RRM1: variants seen among roughly 807,000 people sequenced by gnomAD.
The protein encoded by RRM1 is ribonucleoside-diphosphate reductase large subunit.
RRM1 carries 19 observed loss-of-function variants against 101.5 expected under a neutral mutation model. The observed-to-expected ratio is 0.19, with a 90% CI of 0.13 to 0.27. RRM1 has a LOEUF of 0.27. Among genes scored for constraint, RRM1 ranks in the 10% least tolerant of loss-of-function variants. The pLI, the probability that RRM1 is intolerant of heterozygous loss-of-function variation, is 1.00. For missense variants in RRM1, 500 were observed against 962.9 expected (o/e 0.52, Z 6.36); for synonymous variants, 298 against 323.4 (o/e 0.92, Z 0.84).
chr11:4,135,403 ACCAAC>A, intron 18 of RRM1, 133 bp downstream of exon 18: 1 of 641,526 alleles, frequency 1.6e-6, no homozygotes, highest in Non-Finnish European at 2.5e-6. Context: ...GAACGTTAAA[ACCAAC>A]CCATGGTTTT....
intron 15 of RRM1, among the ~76,000 whole-genome samples, chr11:4,131,527 A>G (rs987959283): frequency 6.6e-6 from 1 of 152,226 alleles, no homozygotes; most frequent in Admixed American, 6.5e-5. Context: ...ACGGAAAGGT[A>G]CAGGTCAGAG....
In RRM1 at chr11:4,121,677, A is replaced by G. The variant is rs774744826; in HGVS notation, c.950A>G (p.Asn317Ser). 2.5e-6 allele frequency: 4 copies of G among 1,613,982 alleles called. No homozygotes were observed. The highest frequency in any genetic ancestry group is 2.2e-5 in the East Asian group (1 of 44,870). Residue 317 changes from asparagine (N) to serine (S), a missense_variant, in exon 10 of 19, where the codon AAC (asparagine) becomes AGC (serine). Coordinates refer to ENST00000300738, the MANE Select transcript of RRM1 (RefSeq NM_001033.5). ...DIFEFLDLKK[N>S]TGKEEQRARD... is the part of the protein sequence containing the mutation. ...TTTGAATTCCTTGATTTAAAGAAGA[A>G]CACAGGAAAGGAAGAGCAGCGTGCC...
intron 7 of RRM1, 33 bp downstream of exon 7, chr11:4,112,095 C>A: frequency 6.5e-7 from 1 of 1,543,408 alleles, no homozygotes. Flanking sequence ...TACGCCTTGA[C>A]CTGAAGAAAC....
At chr11:4,114,225 T>TG (rs2094569583) in intron 7 of RRM1, among the ~76,000 whole-genome samples, 1 of 151,938 alleles carries the variant, frequency 6.6e-6, no homozygotes, top group South Asian at 2.1e-4. Flanking sequence ...GACTGAAAAT[T>TG]GCTATGGGTG....
At chr11:4,112,124 C>A in intron 7 of RRM1, 62 bp downstream of exon 7, 2 of 1,308,172 alleles carry the variant, frequency 1.5e-6, no homozygotes, top group Non-Finnish European at 2.1e-6. Flanking sequence ...TAGTTCATCA[C>A]ATAAAAAATA....
upstream of RRM1, chr11:4,094,748 C>A: frequency 1.7e-6 from 1 of 571,936 alleles, no homozygotes; most frequent in Admixed American, 3.0e-5. Context: ...GTGAAGCCTA[C>A]CCCGGGCGTG....
chr11:4,103,641 G>C (rs1280171843), intron 2 of RRM1, among the ~76,000 whole-genome samples: 1 of 152,104 alleles, frequency 6.6e-6, no homozygotes. Flanking sequence ...AGGAGTTTGA[G>C]ACCAGCCTGG....
chr11:4,136,787 T>C (rs1218893017), intron 18 of RRM1, among the ~76,000 whole-genome samples: 2 of 150,798 alleles, frequency 1.3e-5, no homozygotes, highest in Non-Finnish European at 2.9e-5. Context: ...TTATTTATTT[T>C]TATTGATCAT....
At chr11:4,137,721 G>A (rs1402018972) in intron 18 of RRM1, among the ~76,000 whole-genome samples, 1 of 25,788 alleles carries the variant, frequency 3.9e-5, no homozygotes, top group Non-Finnish European at 1.0e-4. Flanking sequence ...CGGGCAGAGG[G>A]GCTCCTCACT....
intron 15 of RRM1, among the ~76,000 whole-genome samples, chr11:4,130,086 A>ATATTTTT (rs1202870487): frequency 7.0e-5 from 7 of 99,446 alleles, no homozygotes; most frequent in African/African-American, 1.6e-4. Context: ...ATATATATAT[A>ATATTTTT]TTTTTTTTTT....
At chr11:4,115,383 G>T (rs1216937481) in intron 7 of RRM1, among the ~76,000 whole-genome samples, 1 of 151,834 alleles carries the variant, frequency 6.6e-6, no homozygotes, top group Non-Finnish European at 1.5e-5. Flanking sequence ...CAGAAGGGGA[G>T]AAAGTGATGT....
intron 18 of RRM1, among the ~76,000 whole-genome samples, 168 bp downstream of exon 18, chr11:4,135,438 G>A (rs1310864520): frequency 6.6e-6 from 1 of 152,184 alleles, no homozygotes; most frequent in African/African-American, 2.4e-5. Flanking sequence ...ACAGGGTCTT[G>A]CCTTGGATTT....
chr11:4,130,072 AT>A (rs1205892810), intron 15 of RRM1, among the ~76,000 whole-genome samples: 16 of 92,278 alleles, frequency 1.7e-4, no homozygotes, highest in Non-Finnish European at 7.9e-5. Flanking sequence ...GTATTTATAT[AT>A]ATATATATAT....
chr11:4,105,948 A>T, intron 2 of RRM1, 98 bp from the exon 3 acceptor site: 1 of 956,402 alleles, frequency 1.0e-6, no homozygotes, highest in Non-Finnish European at 1.6e-6. Flanking sequence ...ATAGGCATGT[A>T]CTACCACACC....
intron 2 of RRM1, among the ~76,000 whole-genome samples, chr11:4,105,106 T>A (rs956906195): frequency 7.9e-5 from 12 of 152,226 alleles, no homozygotes; most frequent in Non-Finnish European, 1.2e-4. Flanking sequence ...AGATTTTTTT[T>A]AATGACACTT....
At chr11:4,113,840 A>C (rs960295117) in intron 7 of RRM1, among the ~76,000 whole-genome samples, 1 of 152,184 alleles carries the variant, frequency 6.6e-6, no homozygotes, top group Non-Finnish European at 1.5e-5. Flanking sequence ...AAAAGATAAA[A>C]AATGGGCCAG....
intron 7 of RRM1, among the ~76,000 whole-genome samples, 161 bp from the exon 8 acceptor site, chr11:4,118,159 A>G (rs980087158): frequency 6.6e-6 from 1 of 151,770 alleles, no homozygotes. Flanking sequence ...TTATTGTGTC[A>G]TGTACAGTAA....
intron 18 of RRM1, among the ~76,000 whole-genome samples, chr11:4,136,004 A>G (rs1345332296): frequency 6.6e-6 from 1 of 151,706 alleles, no homozygotes; most frequent in Non-Finnish European, 1.5e-5. Flanking sequence ...AGGCAGACAT[A>G]TTGTCTTGGG....
At chr11:4,118,535 T>C in intron 8 of RRM1, 74 bp downstream of exon 8, 1 of 1,540,046 alleles carries the variant, frequency 6.5e-7, no homozygotes, top group South Asian at 1.2e-5. Flanking sequence ...TGAGAGGGCA[T>C]ATGCTATTTT....
Sources: allele counts gnomAD v4.1 joint callset (sites outside exome capture counted in the v4.1 genomes callset), GRCh38; gene constraint gnomAD v4.1.1; transcripts MANE v1.5; gene names NCBI Gene and HGNC (gene_info 2026-07-23, HGNC 2026-07-21).